The following CSMD1 variants were observed in gnomAD, a reference collection of about 807,000 sequenced individuals.
CSMD1 encodes the protein CUB and Sushi multiple domains 1.
CSMD1 carries 213 observed loss-of-function variants against 417.5 expected under a neutral mutation model. That is an observed-to-expected ratio of 0.51 (90% CI 0.46 to 0.57). CSMD1 has a LOEUF of 0.57. Among genes scored for constraint, CSMD1 ranks in the 20% least tolerant of loss-of-function variants. CSMD1 has a pLI of 0.00. For missense variants in CSMD1, 6,923 were observed against 4,529.7 expected (o/e 1.53, Z -15.17); for synonymous variants, 2,862 against 1,736.8 (o/e 1.65, Z -16.11).
At chr8:4,984,885 T>C (rs1176768111) in intron 1 of CSMD1, among the ~76,000 whole-genome samples, 4 of 152,296 alleles carry the variant, frequency 2.6e-5, no homozygotes, top group African/African-American at 9.6e-5. Context: ...TAGTGAGCCA[T>C]GTGATATATG....
rs770966280 is a variant in CSMD1 at position 3,142,435 on chromosome 8, T to G, written c.6241+30A>C. The G allele has an allele frequency of 7.1e-6, 11 of 1,551,744 alleles. No homozygotes were observed. The East Asian group carries it at 2.3e-4, about 32-fold the overall frequency. On this transcript the variant is annotated intron_variant, in intron 41 of 69. Coordinates refer to ENST00000635120, the MANE Select transcript of CSMD1 (RefSeq NM_033225.6). ...TACATGTAAGAAGTGTATTTAGATT[T>G]GGGTTTCGGTTCTCGTTGTTGTTCC...
At chr8:4,357,729 T>G (rs1801509741) in intron 3 of CSMD1, among the ~76,000 whole-genome samples, 1 of 151,960 alleles carries the variant, frequency 6.6e-6, no homozygotes, top group South Asian at 2.1e-4. Context: ...CAAGAGATAC[T>G]CAAGCCAAAA....
chr8:3,989,268 C>A (rs1046805187), intron 5 of CSMD1, among the ~76,000 whole-genome samples: 1 of 152,196 alleles, frequency 6.6e-6, no homozygotes, highest in African/African-American at 2.4e-5. Flanking sequence ...TCTACGTCAT[C>A]AAGCTCAGAA....
chr8:4,497,410 G>A (rs1312977496), intron 2 of CSMD1, among the ~76,000 whole-genome samples: 1 of 152,146 alleles, frequency 6.6e-6, no homozygotes, highest in Non-Finnish European at 1.5e-5. Context: ...ATTGTATTTT[G>A]GGGGGAAATA....
intron 10 of CSMD1, among the ~76,000 whole-genome samples, chr8:3,553,752 T>G (rs1413596024): frequency 6.6e-6 from 1 of 152,218 alleles, no homozygotes; most frequent in East Asian, 1.9e-4. Flanking sequence ...TATAAATTAA[T>G]AAATCTAGAG....
At chr8:3,577,504 C>G (rs1800201090) in intron 9 of CSMD1, among the ~76,000 whole-genome samples, 1 of 152,052 alleles carries the variant, frequency 6.6e-6, no homozygotes, top group Admixed American at 6.6e-5. Context: ...TCAAAATGGT[C>G]ATCTAAAATG....
Position 3,214,690 on chromosome 8 carries a change from C to G in CSMD1, c.4674G>C (p.Glu1558Asp). 1 of 1,548,978 alleles carries G rather than the reference C, an allele frequency of 6.5e-7. No homozygotes were observed. Among genetic ancestry groups the G allele is most frequent in the Non-Finnish European group, 8.7e-7 (1 of 1,145,698 alleles). ...GGTCAAAACAAGCTTCCCGTGGTTTCTCTGTGGAAGAAATGAATGTAAACT... is the reference window on the plus strand; with the variant it reads ...GGTCAAAACAAGCTTCCCGTGGTTTGTCTGTGGAAGAAATGAATGTAAACT... ...GLSGFAIEFKEKPREACFDPG... is the reference protein window; with the variant it reads ...GLSGFAIEFKDKPREACFDPG... The change falls in exon 30 of 70, where the codon GAG (glutamate) becomes GAC (aspartate). Residue 1558 changes from glutamate to aspartate, a missense_variant and splice_region_variant. Transcript: ENST00000635120.
chr8:3,182,566 T>C (rs2589288), intron 36 of CSMD1, among the ~76,000 whole-genome samples: 130,910 of 144,094 alleles, frequency 0.91, 59,669 homozygotes, highest in Non-Finnish European at 0.95. Context: ...CTGGCTGTCT[T>C]TTTATAAGAA....
intron 1 of CSMD1, among the ~76,000 whole-genome samples, chr8:4,911,229 C>T (rs1805650853): frequency 6.6e-6 from 1 of 152,204 alleles, no homozygotes; most frequent in Non-Finnish European, 1.5e-5. Flanking sequence ...ATTCTGTCTG[C>T]TCCATCAGTT....
At chr8:3,959,859 T>C (rs770492397) in intron 5 of CSMD1, among the ~76,000 whole-genome samples, 18 of 152,238 alleles carry the variant, frequency 1.2e-4, no homozygotes, top group Non-Finnish European at 2.4e-4. Flanking sequence ...TTCTATATTG[T>C]GAGGTATATA....
intron 2 of CSMD1, among the ~76,000 whole-genome samples, chr8:4,464,960 C>T (rs923971876): frequency 3.9e-5 from 6 of 152,110 alleles, no homozygotes; most frequent in South Asian, 4.1e-4. Flanking sequence ...CTTCCTCCCA[C>T]TCATGATGCC....
intron 25 of CSMD1, among the ~76,000 whole-genome samples, chr8:3,303,145 G>C (rs1804545767): frequency 6.6e-6 from 1 of 152,172 alleles, no homozygotes; most frequent in South Asian, 2.1e-4. Context: ...GGAGAAATTG[G>C]ACATGCTTTT....
Position 4,267,168 on chromosome 8 carries a change from A to G in CSMD1, c.415+152785T>C, listed in dbSNP as rs761069503. 4.1e-4 allele frequency among the ~76,000 whole-genome samples: 42 copies of G among 101,676 alleles called. 17 individuals are homozygous for G. Among genetic ancestry groups the G allele is most frequent in the Non-Finnish European group, 1.1e-3 (41 of 38,572 alleles). The allele number at this position is 101,676 out of a possible 152,430, so 66.7% of individuals were successfully genotyped here. On this transcript the variant is annotated intron_variant, in intron 3 of 69. Transcript: ENST00000635120. Reference sequence around the variant, plus strand: ...AGTATAATTATTTGAAACAGTGAAGATAATATTCATTAATTCCAAAAAATG... The same window carrying G: ...AGTATAATTATTTGAAACAGTGAAGGTAATATTCATTAATTCCAAAAAATG...
At chr8:3,848,534 T>C (rs970967465) in intron 5 of CSMD1, among the ~76,000 whole-genome samples, 4 of 152,196 alleles carry the variant, frequency 2.6e-5, no homozygotes, top group Non-Finnish European at 4.4e-5. Context: ...AGTTACTTAA[T>C]TTACTCAATA....
intron 2 of CSMD1, among the ~76,000 whole-genome samples, chr8:4,445,126 GA>G (rs1442816459): frequency 6.6e-6 from 1 of 152,166 alleles, no homozygotes. Flanking sequence ...CTGGATAGTA[GA>G]TACAGTGCTG....
chr8:4,460,555 G>C (rs193071779), intron 2 of CSMD1, among the ~76,000 whole-genome samples: 2 of 151,970 alleles, frequency 1.3e-5, no homozygotes, highest in Non-Finnish European at 2.9e-5. Context: ...ACAAAATTAA[G>C]AATCTTTTGC....
At chr8:3,033,409 A>G (rs913390324) in intron 50 of CSMD1, among the ~76,000 whole-genome samples, 2 of 152,156 alleles carry the variant, frequency 1.3e-5, no homozygotes, top group African/African-American at 4.8e-5. Context: ...AAGCTGTAGT[A>G]TCAATTGTAT....
At chr8:3,965,837 T>C (rs1203847846) in intron 5 of CSMD1, among the ~76,000 whole-genome samples, 1 of 152,132 alleles carries the variant, frequency 6.6e-6, no homozygotes, top group Non-Finnish European at 1.5e-5. Context: ...CAGGCCGGTC[T>C]TGAACTCTTG....
At chr8:4,449,786 G>A (rs775211343) in intron 2 of CSMD1, among the ~76,000 whole-genome samples, 14 of 151,996 alleles carry the variant, frequency 9.2e-5, no homozygotes, top group Non-Finnish European at 1.8e-4. Flanking sequence ...CTATGTTTGG[G>A]CATTTTTACA....
Sources: allele counts gnomAD v4.1 joint callset (sites outside exome capture counted in the v4.1 genomes callset), GRCh38; gene constraint gnomAD v4.1.1; transcripts MANE v1.5; gene names NCBI Gene and HGNC (gene_info 2026-07-23, HGNC 2026-07-21).